ATP1A2: variants seen among roughly 807,000 people sequenced by gnomAD.
ATP1A2 encodes the protein ATPase Na+/K+ transporting subunit alpha 2, also known as sodium/potassium-transporting ATPase subunit alpha-2.
A neutral mutation model predicts 113.1 loss-of-function variants in ATP1A2; 56 were observed. The ratio of observed to expected loss-of-function variants is 0.49; its 90% confidence interval spans 0.40 to 0.62. The LOEUF (loss-of-function observed/expected upper bound fraction) is 0.62. Ranked by LOEUF, ATP1A2 falls within the 20% of genes least tolerant of loss-of-function variation. The pLI is 0.00. For missense variants in ATP1A2, 712 were observed against 1,357.8 expected, an observed-to-expected ratio of 0.52 and a Z score of 7.47; for synonymous variants, 490 against 526.8, an observed-to-expected ratio of 0.93 and a Z score of 0.96.
chr1:160,132,466 A>G (rs10797059), intron 13 of ATP1A2, among the ~76,000 whole-genome samples: 123,022 of 152,074 alleles, frequency 0.81, 50,115 homozygotes, highest in Non-Finnish European at 0.87. Flanking sequence ...GTTCAGGCAA[A>G]GAATGATGAC....
Position 160,135,048 on chromosome 1 carries a change from G to C in ATP1A2, c.1965-97G>C. 1 of 1,501,298 alleles carries C rather than the reference G, an allele frequency of 6.7e-7. No homozygotes were observed. The highest frequency in any genetic ancestry group is 1.2e-5 in the South Asian group (1 of 86,710). 93.0% of individuals were successfully genotyped at this position (1,501,298 alleles called of 1,614,324 possible). A position where few individuals can be genotyped will look rare whatever the true frequency, so the allele number is the denominator to read the frequency against. On this transcript the variant is annotated intron_variant, in intron 14 of 22. Coordinates refer to ENST00000361216, the MANE Select transcript of ATP1A2 (RefSeq NM_000702.4). The surrounding 1 kb of genome is among the most constrained non-coding windows in gnomAD (Gnocchi z 6.3). Reference sequence around the variant, plus strand: ...GCAACAGGGGAAGCAGGCTCAGCAGGGAGCCTGCAGGCTGCGGTGGTGAAG... The same window carrying C: ...GCAACAGGGGAAGCAGGCTCAGCAGCGAGCCTGCAGGCTGCGGTGGTGAAG...
chr1:160,116,943 CTG>C (rs1237662776), intron 1 of ATP1A2, among the ~76,000 whole-genome samples: 2 of 152,078 alleles, frequency 1.3e-5, no homozygotes, highest in African/African-American at 4.8e-5. Flanking sequence ...ATGCATGTAT[CTG>C]TGTGTCTGTG....
chr1:160,127,400 G>A, intron 7 of ATP1A2, 152 bp from the exon 8 acceptor site: 3 of 1,011,000 alleles, frequency 3.0e-6, no homozygotes, highest in African/African-American at 3.2e-5. Flanking sequence ...GGGAAAGGAA[G>A]GCCAAGTGGG....
intron 20 of ATP1A2, among the ~76,000 whole-genome samples, chr1:160,138,838 A>G (rs542181266): frequency 1.3e-5 from 2 of 152,156 alleles, no homozygotes; most frequent in Admixed American, 1.3e-4. Context: ...TCAGAAAAAA[A>G]AAGTGGAGTA....
At position 160,127,675 on chromosome 1, in the gene ATP1A2, A is replaced by C; in HGVS notation, c.872A>C (p.Gln291Pro). 1 of 1,614,246 alleles carries C rather than the reference A, an allele frequency of 6.2e-7. No individual in the cohort carries two copies. The highest frequency in any genetic ancestry group is 8.5e-7 in the Non-Finnish European group (1 of 1,180,042). The change falls in exon 8 of 23, where the codon CAG becomes CCG. Residue 291 changes from glutamine to proline, a missense_variant. Physicochemically the swap from Gln to Pro is moderately conservative, Grantham distance 76. Coordinates refer to ENST00000361216, the MANE Select transcript of ATP1A2 (RefSeq NM_000702.4). ...PIAMEIEHFI[Q>P]LITGVAVFLG... is the part of the protein sequence containing the mutation. ...GCAATGGAGATTGAACACTTCATCC[A>C]GCTGATCACAGGGGTCGCTGTATTC...
intron 7 of ATP1A2, 91 bp from the exon 8 acceptor site, chr1:160,127,461 C>A: frequency 6.3e-7 from 1 of 1,589,050 alleles, no homozygotes; most frequent in Non-Finnish European, 8.6e-7. Context: ...CTCACCTATC[C>A]TGTGATGATT....
rs201688946 is a variant in ATP1A2, at chr1:160,121,005, G to T, written c.112G>T (p.Ala38Ser). ...ACTGGATGAGCTGAAGAAGGAGGTG[G>T]CAATGGTGAGGGAACTGCTGGGCCA... Reference protein sequence around the residue: ...KELDELKKEVAMDDHKLSLDE... With the variant: ...KELDELKKEVSMDDHKLSLDE... Residue 38 changes from alanine to serine, a missense_variant, in exon 2 of 23, where the codon GCA (alanine) becomes TCA (serine). Ala to Ser is a moderately conservative substitution (Grantham distance 99). Transcript: ENST00000361216. 1.2e-6 allele frequency: 2 copies of T among 1,614,108 alleles called. No individual in the cohort carries two copies. The highest frequency in any genetic ancestry group is 1.7e-6 in the Non-Finnish European group (2 of 1,179,962).
rs1477666481 is a variant in ATP1A2, at chr1:160,141,949, AAAGG to A, written c.*631_*634del. ...GGGCTGGCTGGAGGAAGGAAACAAC[AAAGG>A]AAGTGAGGTAGTGCCAATGACAGGA... On this transcript the variant is annotated 3_prime_UTR_variant, in exon 23 of 23. Transcript: ENST00000361216. 1 of 160,234 alleles carries A rather than the reference AAAGG, an allele frequency of 6.2e-6. No homozygotes were observed. The highest frequency in any genetic ancestry group is 1.4e-5 in the Non-Finnish European group (1 of 72,052). 9.9% of individuals were successfully genotyped at this position (160,234 alleles called of 1,614,324 possible).
At position 160,128,793 on chromosome 1, in the gene ATP1A2, G is replaced by A; in HGVS notation, c.1159G>A (p.Ala387Thr). The change falls in exon 9 of 23, where the codon GCC becomes ACC. Residue 387 changes from alanine (A) to threonine (T), a missense_variant. Coordinates refer to ENST00000361216, the MANE Select transcript of ATP1A2 (RefSeq NM_000702.4). ...GTLTQNRMTV[A>T]HMWFDNQIHE... ...CCTCACCCAGAACCGCATGACCGTC[G>A]CCCACATGTGGTTCGACAACCAAAT... 6 of 1,614,068 alleles carry A rather than the reference G, an allele frequency of 3.7e-6. No individual in the cohort carries two copies. Among genetic ancestry groups the A allele is most frequent in the African/African-American group, 2.7e-5 (2 of 75,002 alleles).
intron 1 of ATP1A2, among the ~76,000 whole-genome samples, chr1:160,120,172 C>T (rs1275766502): frequency 6.6e-6 from 1 of 152,180 alleles, no homozygotes; most frequent in African/African-American, 2.4e-5. Context: ...CCCAATTGTG[C>T]TTTGGGGGTC....
rs112306807 is a variant in ATP1A2, at chr1:160,127,509, G to C, written c.749-43G>C. The C allele has an allele frequency of 2.9e-3, 4,708 of 1,613,226 alleles. 13 individuals carry two copies. Among genetic ancestry groups the C allele is most frequent in the Non-Finnish European group, 3.6e-3 (4,283 of 1,179,910 alleles). On this transcript the variant is annotated intron_variant, in intron 7 of 22. Coordinates refer to ENST00000361216, the MANE Select transcript of ATP1A2 (RefSeq NM_000702.4). ...GAAATAGGATGGGACTGCAGTCCCT[G>C]GGAGCCACAAGGCACCCAACCTGAT...
intron 20 of ATP1A2, among the ~76,000 whole-genome samples, chr1:160,138,041 C>G (rs1235952065): frequency 3.9e-5 from 6 of 152,128 alleles, no homozygotes; most frequent in Admixed American, 3.9e-4. Context: ...ACTTGCTATG[C>G]ACTGCAGGGA....
chr1:160,137,004 G>A lies in ATP1A2; in HGVS notation c.2813G>A (p.Arg938His), dbSNP rs759097524. Residue 938 changes from arginine to histidine, a missense_variant, in exon 20 of 23, where the codon CGC (arginine) becomes CAC (histidine). By Grantham distance (29) the Arg-to-His change is conservative (BLOSUM62 0). Around this residue, in one of 6 missense-constraint regions of ATP1A2, gnomAD observed 188 missense variants for 438.9 expected, o/e 0.43. Coordinates refer to ENST00000361216, the MANE Select transcript of ATP1A2 (RefSeq NM_000702.4). ...WADLIICKTR[R>H]NSVFQQGMKN... ...GACCTCATCATCTGCAAGACCCGCC[G>A]CAACTCAGTCTTCCAGCAGGGCATG... 4 of 1,613,972 alleles carry A rather than the reference G, an allele frequency of 2.5e-6. No homozygotes were observed. The highest frequency in any genetic ancestry group is 1.3e-5 in the African/African-American group (1 of 74,888).
At chr1:160,134,292 T>TAC (rs886216361) in intron 13 of ATP1A2, among the ~76,000 whole-genome samples, 192 bp from the exon 14 acceptor site, 3 of 123,408 alleles carry the variant, frequency 2.4e-5, no homozygotes, top group Non-Finnish European at 5.1e-5. Context: ...CACACACACA[T>TAC]ACACACACAC....
chr1:160,121,410 G>A lies in ATP1A2; in HGVS notation c.177+159G>A. 4.8e-6 allele frequency: 4 copies of A among 838,544 alleles called. No individual in the cohort carries two copies. In the South Asian group the frequency reaches 5.7e-5, roughly 12 times the overall value. 51.9% of individuals were successfully genotyped at this position (838,544 alleles called of 1,614,324 possible). A position where few individuals can be genotyped will look rare whatever the true frequency, so the allele number is the denominator to read the frequency against. Reference sequence around the variant, plus strand: ...GCCCAAGGACATGCAGCTAGTTGGTGGCACAGCCAGAACTAGAATTTGGAT... The same window carrying A: ...GCCCAAGGACATGCAGCTAGTTGGTAGCACAGCCAGAACTAGAATTTGGAT... On this transcript the variant is annotated intron_variant, in intron 3 of 22. Coordinates refer to ENST00000361216, the MANE Select transcript of ATP1A2 (RefSeq NM_000702.4).
At chr1:160,128,379 A>G in intron 8 of ATP1A2, 2 of 860,326 alleles carry the variant, frequency 2.3e-6, no homozygotes, top group Non-Finnish European at 3.7e-6. Context: ...TTCTGTGTTG[A>G]TGACTCAGAC....
intron 19 of ATP1A2, 55 bp downstream of exon 19, chr1:160,136,770 T>G (rs1651966434): frequency 6.2e-7 from 1 of 1,613,998 alleles, no homozygotes; most frequent in Non-Finnish European, 8.5e-7. Flanking sequence ...GGAAGCTGAA[T>G]GCCTGGCAGG....
At chr1:160,122,432 A>AAG (rs1558003055) in intron 3 of ATP1A2, among the ~76,000 whole-genome samples, 1 of 151,970 alleles carries the variant, frequency 6.6e-6, no homozygotes, top group Non-Finnish European at 1.5e-5. Context: ...AAAAAAAAAA[A>AAG]AAAGAAACGG....
chr1:160,119,614 C>T (rs533795250), intron 1 of ATP1A2, among the ~76,000 whole-genome samples: 1 of 152,146 alleles, frequency 6.6e-6, no homozygotes, highest in Non-Finnish European at 1.5e-5. Flanking sequence ...GATTTCCCAC[C>T]CTGTCCCCAA....
Sources: gnomAD v4.1 joint callset for allele counts (sites outside exome capture counted in the v4.1 genomes callset) on GRCh38, gnomAD v4.1.1 for gene constraint, gnomAD v4.1.1 regional missense constraint, Gnocchi (gnomAD v3.1) non-coding constraint, MANE v1.5 for transcripts, NCBI Gene and HGNC (gene_info 2026-07-23, HGNC 2026-07-21) for gene names.